Variants in LINGO2 observed in about 807,000 individuals in gnomAD.
LINGO2 encodes the protein leucine-rich repeat and immunoglobulin-like domain-containing nogo receptor-interacting protein 2.
Under a neutral mutation model 30.6 loss-of-function variants are expected in LINGO2, and 14 were observed. That is an observed-to-expected ratio of 0.46 (90% CI 0.30 to 0.72). The LOEUF is 0.72. Among genes scored for constraint, LINGO2 ranks in the 30% least tolerant of loss-of-function variants. LINGO2 has a pLI of 0.07. For synonymous variants in LINGO2, 317 were observed against 288.5 expected, an observed-to-expected ratio of 1.10 and a Z score of -1.00; for missense variants, 729 against 751.7, an observed-to-expected ratio of 0.97 and a Z score of 0.35.
At chr9:28,533,514 A>T (rs1418097025) in intron 1 of LINGO2, among the ~76,000 whole-genome samples, 1 of 152,160 alleles carries the variant, frequency 6.6e-6, no homozygotes, top group Non-Finnish European at 1.5e-5. Context: ...TTATCTTATA[A>T]GGAAGGAGTC....
At chr9:28,190,123 C>T (rs1819767613) in intron 4 of LINGO2, among the ~76,000 whole-genome samples, 1 of 152,076 alleles carries the variant, frequency 6.6e-6, no homozygotes, top group South Asian at 2.1e-4. Context: ...GCCACATTTT[C>T]AAGTTTCCTT....
chr9:27,966,110 C>G (rs867716971), intron 5 of LINGO2, among the ~76,000 whole-genome samples: 1 of 151,964 alleles, frequency 6.6e-6, no homozygotes, highest in East Asian at 1.9e-4. Context: ...AAATGTTGCT[C>G]ATTGTATGAC....
chr9:28,286,678 A>G, intron 4 of LINGO2, among the ~76,000 whole-genome samples: 1 of 152,224 alleles, frequency 6.6e-6, no homozygotes, highest in East Asian at 1.9e-4. Flanking sequence ...ATGAAGCTGG[A>G]GTCCATTATC....
chr9:28,787,790 C>T, the LINGO2 span, among the ~76,000 whole-genome samples: 19 of 152,024 alleles, frequency 1.2e-4, no homozygotes, highest in African/African-American at 4.1e-4. Context: ...TTCATCATTG[C>T]TTATATAAAT....
rs77566581 is a variant in LINGO2, at chr9:28,183,961, G to A, written c.-87+111247C>T. The stretch of plus-strand genomic sequence containing the variant: ...ACATTACCAATCAATCATGAGGCTT[G>A]TATTCTCAAAGCCCTACCTGGGCCT... On this transcript the variant is annotated intron_variant, in intron 4 of 5. Transcript: ENST00000379992. Among the ~76,000 whole-genome samples the A allele has an allele frequency of 5.3e-4, 81 of 152,306 alleles. 4 individuals are homozygous for A. The East Asian group carries it at 0.014, about 26-fold the overall frequency.
At chr9:28,564,609 C>T (rs893129498) in intron 1 of LINGO2, among the ~76,000 whole-genome samples, 1 of 152,120 alleles carries the variant, frequency 6.6e-6, no homozygotes, top group African/African-American at 2.4e-5. Flanking sequence ...TTCACCACTG[C>T]TGTCACACAT....
the LINGO2 span, among the ~76,000 whole-genome samples, chr9:28,811,802 C>A: frequency 2.5e-4 from 38 of 152,172 alleles, no homozygotes; most frequent in Non-Finnish European, 1.5e-5. Flanking sequence ...CATTTCCTGA[C>A]AATATTGCAT....
At chr9:28,049,098 C>T (rs1824554365) in intron 4 of LINGO2, among the ~76,000 whole-genome samples, 1 of 150,926 alleles carries the variant, frequency 6.6e-6, no homozygotes. Flanking sequence ...TGTGTTTGCA[C>T]ATCACTAAGT....
At chr9:29,156,092 C>T in the LINGO2 span, among the ~76,000 whole-genome samples, 1 of 152,104 alleles carries the variant, frequency 6.6e-6, no homozygotes, top group African/African-American at 2.4e-5. Flanking sequence ...GTTTTATCTA[C>T]TGCTACTATA....
chr9:28,424,909 G>C (rs1823342022), intron 2 of LINGO2, among the ~76,000 whole-genome samples: 1 of 151,924 alleles, frequency 6.6e-6, no homozygotes. Context: ...GTGGTTCATT[G>C]GTCTTGGATA....
chr9:28,807,197 GTATT>G, the LINGO2 span, among the ~76,000 whole-genome samples: 1 of 151,800 alleles, frequency 6.6e-6, no homozygotes, highest in African/African-American at 2.4e-5. Context: ...GCTAATTTTT[GTATT>G]TTTAGTAGAG....
At chr9:29,007,739 G>A in the LINGO2 span, among the ~76,000 whole-genome samples, 1 of 152,024 alleles carries the variant, frequency 6.6e-6, no homozygotes, top group Non-Finnish European at 1.5e-5. Context: ...AGAAAATAAG[G>A]ACAACTAAAG....
At chr9:28,804,564 C>CAA in the LINGO2 span, among the ~76,000 whole-genome samples, 327 of 127,828 alleles carry the variant, frequency 2.6e-3, 2 homozygotes, top group African/African-American at 7.7e-3. Flanking sequence ...AAAACAAAAA[C>CAA]AAAAAAAAAA....
intron 5 of LINGO2, among the ~76,000 whole-genome samples, chr9:27,965,909 G>T (rs1384971829): frequency 6.6e-6 from 1 of 152,010 alleles, no homozygotes; most frequent in African/African-American, 2.4e-5. Flanking sequence ...TAAGGTAATG[G>T]CTAAAAGCAC....
chr9:28,343,163 A>T lies in LINGO2; in HGVS notation c.-246+29673T>A, dbSNP rs375149222. Reference sequence around the variant, plus strand: ...TCAAACAGATAAGTGTTGTCTGTTTAGAAATCTAGAATATCCCTCAGGGCA... The same window carrying T: ...TCAAACAGATAAGTGTTGTCTGTTTTGAAATCTAGAATATCCCTCAGGGCA... On this transcript the variant is annotated intron_variant, in intron 3 of 5. Coordinates refer to ENST00000379992, the Ensembl canonical transcript of LINGO2. Among the ~76,000 whole-genome samples the T allele has an allele frequency of 7.2e-5, 11 of 152,328 alleles. No homozygotes were observed. In the South Asian group the frequency reaches 2.1e-3, roughly 29 times the overall value.
At chr9:29,095,428 AAAT>A in the LINGO2 span, among the ~76,000 whole-genome samples, 201 of 136,604 alleles carry the variant, frequency 1.5e-3, 24 homozygotes, top group African/African-American at 5.0e-3. Flanking sequence ...AGGATAAGGA[AAAT>A]AATAATAATA....
intron 1 of LINGO2, among the ~76,000 whole-genome samples, chr9:28,498,800 G>A (rs72713555): frequency 0.1 from 15,716 of 151,960 alleles, 1,098 homozygotes; most frequent in Admixed American, 0.18. Context: ...TCTTGGAACC[G>A]CCCCCCTCCT....
At chr9:28,941,650 T>C in the LINGO2 span, among the ~76,000 whole-genome samples, 1 of 152,194 alleles carries the variant, frequency 6.6e-6, no homozygotes, top group African/African-American at 2.4e-5. Flanking sequence ...AGAGCTATTA[T>C]ATGCATTGAA....
At chr9:27,995,283 G>A (rs771315365) in intron 5 of LINGO2, among the ~76,000 whole-genome samples, 1 of 152,058 alleles carries the variant, frequency 6.6e-6, no homozygotes, top group Non-Finnish European at 1.5e-5. Flanking sequence ...AGGCCCTGAT[G>A]GCATCACTGC....
Sources: allele counts gnomAD v4.1 joint callset (sites outside exome capture counted in the v4.1 genomes callset), GRCh38; gene constraint gnomAD v4.1.1; transcripts MANE v1.5; gene names NCBI Gene and HGNC (gene_info 2026-07-23, HGNC 2026-07-21).